CTNNA3: variants seen among roughly 807,000 people sequenced by gnomAD.
The protein encoded by CTNNA3 is catenin alpha-3.
A neutral mutation model predicts 95.7 loss-of-function variants in CTNNA3; 76 were observed. That is an observed-to-expected ratio of 0.79 (90% CI 0.66 to 0.96). CTNNA3 has a LOEUF of 0.96. Among genes scored for constraint, CTNNA3 ranks in the 40% least tolerant of loss-of-function variants. CTNNA3 has a pLI of 0.00. For synonymous variants in CTNNA3, 431 were observed against 374.4 expected (o/e 1.15, Z -1.74); for missense variants, 1,191 against 1,089.8 (o/e 1.09, Z -1.31).
At chr10:67,186,093 C>G (rs1481871106) in intron 6 of CTNNA3, among the ~76,000 whole-genome samples, 1 of 151,584 alleles carries the variant, frequency 6.6e-6, no homozygotes, top group African/African-American at 2.4e-5. Context: ...AGTGTGGCAT[C>G]ATTAAGAAAA....
chr10:67,642,844 G>GA (rs1839582808), intron 2 of CTNNA3, among the ~76,000 whole-genome samples: 1 of 152,152 alleles, frequency 6.6e-6, no homozygotes. Flanking sequence ...AGGTTGCAGA[G>GA]AAAAAGGAAT....
chr10:67,536,709 T>C (rs1172478074), intron 4 of CTNNA3, among the ~76,000 whole-genome samples: 1 of 152,194 alleles, frequency 6.6e-6, no homozygotes, highest in Admixed American at 6.5e-5. Flanking sequence ...AACAGGCTTC[T>C]TCATGGCAAT....
At chr10:66,117,966 T>C (rs573719233) in intron 13 of CTNNA3, among the ~76,000 whole-genome samples, 13 of 152,258 alleles carry the variant, frequency 8.5e-5, no homozygotes, top group African/African-American at 2.6e-4. Flanking sequence ...AGACCACAGC[T>C]GAGGGACCAC....
Position 65,989,591 on chromosome 10 carries a change from G to A in CTNNA3, c.2160-794C>T, listed in dbSNP as rs1051622241. On this transcript the variant is annotated intron_variant, in intron 15 of 17. Transcript: ENST00000433211. ...GTTACTTTAAAAAAATTTATTGATGGTAAAATTCATTTTTTATGGGGTACA... is the reference window on the plus strand; with the variant it reads ...GTTACTTTAAAAAAATTTATTGATGATAAAATTCATTTTTTATGGGGTACA... Among the ~76,000 whole-genome samples, 68 of 146,872 alleles carry A rather than the reference G, an allele frequency of 4.6e-4. 1 individual carries two copies. The highest frequency in any genetic ancestry group is 1.6e-3 in the African/African-American group (65 of 41,106).
At chr10:66,529,634 A>C (rs898521241) in intron 10 of CTNNA3, among the ~76,000 whole-genome samples, 8 of 152,118 alleles carry the variant, frequency 5.3e-5, no homozygotes, top group African/African-American at 1.9e-4. Flanking sequence ...ATGGAAGAAT[A>C]GTGTAGGAGT....
chr10:66,141,011 C>T (rs1331399584), intron 13 of CTNNA3, among the ~76,000 whole-genome samples: 1 of 152,046 alleles, frequency 6.6e-6, no homozygotes, highest in Non-Finnish European at 1.5e-5. Flanking sequence ...ATAATCGCAG[C>T]ACTTTGGGAG....
intron 5 of CTNNA3, among the ~76,000 whole-genome samples, chr10:67,268,248 T>C (rs1407517180): frequency 1.3e-5 from 2 of 151,594 alleles, no homozygotes; most frequent in African/African-American, 4.9e-5. Flanking sequence ...GGAGGATTGA[T>C]TGACGCCAGG....
At chr10:66,004,369 T>C (rs1371180018) in intron 15 of CTNNA3, among the ~76,000 whole-genome samples, 1 of 152,218 alleles carries the variant, frequency 6.6e-6, no homozygotes, top group African/African-American at 2.4e-5. Flanking sequence ...ATCAGAAATC[T>C]GGCATGTATC....
intron 17 of CTNNA3, among the ~76,000 whole-genome samples, chr10:65,962,605 A>T (rs541742443): frequency 6.6e-6 from 1 of 151,962 alleles, no homozygotes; most frequent in African/African-American, 2.4e-5. Flanking sequence ...TGTGCAGAAC[A>T]TGCAGTTTTG....
rs536835916 is a variant in CTNNA3 at position 66,864,150 on chromosome 10, A to G, written c.1048-88626T>C. Among the ~76,000 whole-genome samples, 4 of 152,284 alleles carry G rather than the reference A, an allele frequency of 2.6e-5. No homozygotes were observed. In the East Asian group the frequency reaches 5.8e-4, roughly 22 times the overall value. Reference sequence around the variant, plus strand: ...ATAGCTCATATGCTATGGTTGGAATATGTTTCCCAAAGATCATGTGTTGGA... The same window carrying G: ...ATAGCTCATATGCTATGGTTGGAATGTGTTTCCCAAAGATCATGTGTTGGA... On this transcript the variant is annotated intron_variant, in intron 7 of 17. Transcript: ENST00000433211.
chr10:66,542,788 AATG>A (rs1841902549), intron 10 of CTNNA3, among the ~76,000 whole-genome samples: 2 of 151,672 alleles, frequency 1.3e-5, no homozygotes, highest in Non-Finnish European at 2.9e-5. Context: ...ACCTAATGTA[AATG>A]ATGAGTTAAT....
chr10:67,264,968 A>T (rs1383519261), intron 5 of CTNNA3, among the ~76,000 whole-genome samples: 1 of 152,180 alleles, frequency 6.6e-6, no homozygotes, highest in African/African-American at 2.4e-5. Flanking sequence ...ACTTCGTATC[A>T]AGGGTAAATT....
chr10:67,078,660 G>GC (rs1412514273), intron 7 of CTNNA3, among the ~76,000 whole-genome samples: 1 of 152,030 alleles, frequency 6.6e-6, no homozygotes, highest in Non-Finnish European at 1.5e-5. Context: ...GGGATTACAG[G>GC]CACCCACCAC....
chr10:67,449,562 G>C (rs1589301262), intron 5 of CTNNA3, among the ~76,000 whole-genome samples: 1 of 152,080 alleles, frequency 6.6e-6, no homozygotes. Context: ...AATGGAGAAA[G>C]GACTCCCTAT....
At chr10:67,320,404 T>C (rs2132550304) in intron 5 of CTNNA3, among the ~76,000 whole-genome samples, 1 of 152,292 alleles carries the variant, frequency 6.6e-6, no homozygotes, top group South Asian at 2.1e-4. Context: ...AAAAACAATG[T>C]GCAAAGCCCT....
chr10:67,374,014 G>A (rs1026105877), intron 5 of CTNNA3, among the ~76,000 whole-genome samples: 9 of 152,082 alleles, frequency 5.9e-5, no homozygotes, highest in African/African-American at 1.9e-4. Context: ...CCTAGCAAAT[G>A]GTAGAACTTT....
intron 7 of CTNNA3, among the ~76,000 whole-genome samples, chr10:66,991,981 G>A (rs574309972): frequency 1.8e-4 from 28 of 152,086 alleles, no homozygotes; most frequent in Non-Finnish European, 3.4e-4. Context: ...TTCTTTCACC[G>A]TATAAATCCC....
At chr10:67,310,751 C>A (rs567707239) in intron 5 of CTNNA3, among the ~76,000 whole-genome samples, 9 of 152,238 alleles carry the variant, frequency 5.9e-5, no homozygotes, top group Middle Eastern at 3.4e-3. Flanking sequence ...TAAGAAGTCA[C>A]GGACTGGCAC....
intron 7 of CTNNA3, among the ~76,000 whole-genome samples, chr10:66,937,489 C>T (rs890234494): frequency 1.3e-5 from 2 of 152,112 alleles, no homozygotes; most frequent in Admixed American, 6.6e-5. Flanking sequence ...TACCACAATG[C>T]GCTTTGAAAG....
Sources: allele counts gnomAD v4.1 joint callset (sites outside exome capture counted in the v4.1 genomes callset), GRCh38; gene constraint gnomAD v4.1.1; transcripts MANE v1.5; gene names NCBI Gene and HGNC (gene_info 2026-07-23, HGNC 2026-07-21).